The following JARID2 variants were observed in gnomAD, a reference collection of about 807,000 sequenced individuals.
JARID2 encodes the protein protein Jumonji.
In JARID2, 21 loss-of-function variants were observed where a neutral mutation model predicts 125.6. The observed-to-expected ratio is 0.17, with a 90% CI of 0.12 to 0.24. The LOEUF (loss-of-function observed/expected upper bound fraction) is 0.24. Ranked by LOEUF, JARID2 falls within the 10% of genes least tolerant of loss-of-function variation. The probability of loss-of-function intolerance (pLI) is 1.00; values close to 1 mark genes in which losing one functional copy is unlikely to be tolerated. For missense variants in JARID2, 1,303 were observed against 1,639.6 expected (o/e 0.79, Z 3.55); for synonymous variants, 736 against 661.6 (o/e 1.11, Z -1.73).
At chr6:15,470,506 A>G (rs866740622) in intron 5 of JARID2, among the ~76,000 whole-genome samples, 12 of 152,172 alleles carry the variant, frequency 7.9e-5, no homozygotes, top group Admixed American at 2.0e-4. Context: ...TCTAGCTTTC[A>G]TTGTTGTTGG....
Position 15,300,849 on chromosome 6 carries a change from G to A in JARID2, c.45+54265G>A, listed in dbSNP as rs1183295310. Among the ~76,000 whole-genome samples the A allele has an allele frequency of 2.6e-5, 4 of 151,954 alleles. No homozygotes were observed. In the East Asian group the frequency reaches 7.7e-4, roughly 29 times the overall value. ...CAGTAACCATGAGGACTCTGGTGTT[G>A]CACAGAAGTTGAATTCTTACTTGGA... On this transcript the variant is annotated intron_variant, in intron 1 of 17. Transcript: ENST00000341776.
intron 3 of JARID2, among the ~76,000 whole-genome samples, chr6:15,430,205 T>A (rs931775973): frequency 2.6e-5 from 4 of 152,240 alleles, no homozygotes; most frequent in Admixed American, 6.5e-5. Flanking sequence ...TTGCTAAGAT[T>A]TTGTTTTTTC....
intron 1 of JARID2, among the ~76,000 whole-genome samples, chr6:15,323,193 C>T (rs1310926099): frequency 6.6e-6 from 1 of 152,268 alleles, no homozygotes; most frequent in Non-Finnish European, 1.5e-5. Flanking sequence ...GCCAGGCAGG[C>T]AGGCACAGCC....
At chr6:15,354,067 C>CT (rs1291133554) in intron 1 of JARID2, among the ~76,000 whole-genome samples, 2 of 152,144 alleles carry the variant, frequency 1.3e-5, no homozygotes, top group Admixed American at 6.5e-5. Flanking sequence ...ACAGGTGTAT[C>CT]TAAGTAAAAG....
intron 1 of JARID2, among the ~76,000 whole-genome samples, chr6:15,355,091 T>C (rs1763553504): frequency 6.6e-6 from 1 of 152,188 alleles, no homozygotes; most frequent in African/African-American, 2.4e-5. Flanking sequence ...CTGGATGTCA[T>C]GCAAAGGGTA....
chr6:15,264,068 C>T (rs971774948), intron 1 of JARID2, among the ~76,000 whole-genome samples: 1 of 152,104 alleles, frequency 6.6e-6, no homozygotes, highest in Non-Finnish European at 1.5e-5. Flanking sequence ...TAATTTCAGG[C>T]AATTTTTAAT....
At chr6:15,446,406 A>T (rs1767672397) in intron 3 of JARID2, among the ~76,000 whole-genome samples, 1 of 152,208 alleles carries the variant, frequency 6.6e-6, no homozygotes, top group Non-Finnish European at 1.5e-5. Flanking sequence ...TTCTGTGCAG[A>T]GGCTTCTGTG....
intron 1 of JARID2, chr6:15,369,406 G>A: frequency 2.6e-6 from 1 of 378,968 alleles, no homozygotes; most frequent in Non-Finnish European, 5.4e-6. Context: ...CAGTAATCCT[G>A]CAGTTTAAAA....
Position 15,450,800 on chromosome 6 carries a change from G to C in JARID2, c.324-1206G>C, listed in dbSNP as rs528411558. ...TTGTATGTAAAGCAAAAATATGTTCGTGTATTTATTGGTGGAGAGAAAGGG... is the reference window on the plus strand; with the variant it reads ...TTGTATGTAAAGCAAAAATATGTTCCTGTATTTATTGGTGGAGAGAAAGGG... On this transcript the variant is annotated intron_variant, in intron 3 of 17. Transcript: ENST00000341776. Among the ~76,000 whole-genome samples the C allele has an allele frequency of 3.9e-5, 6 of 152,304 alleles. No individual in the cohort carries two copies. In the South Asian group the frequency reaches 1.0e-3, roughly 26 times the overall value.
At chr6:15,478,464 C>G in intron 5 of JARID2, among the ~76,000 whole-genome samples, 1 of 151,480 alleles carries the variant, frequency 6.6e-6, no homozygotes. Context: ...TTGAAAATGA[C>G]CAAGTTGCCT....
intron 4 of JARID2, among the ~76,000 whole-genome samples, chr6:15,459,192 G>A (rs766004770): frequency 8.5e-5 from 13 of 152,164 alleles, no homozygotes; most frequent in Non-Finnish European, 1.3e-4. Context: ...TACCTGAGGC[G>A]ATCATCCACA....
chr6:15,292,056 G>A (rs780975515), intron 1 of JARID2, among the ~76,000 whole-genome samples: 12 of 151,758 alleles, frequency 7.9e-5, no homozygotes, highest in African/African-American at 1.2e-4. Flanking sequence ...TTGCTCTGTC[G>A]CCCAAGCTGG....
intron 1 of JARID2, among the ~76,000 whole-genome samples, chr6:15,249,539 C>T (rs1422817203): frequency 6.6e-6 from 1 of 152,136 alleles, no homozygotes; most frequent in African/African-American, 2.4e-5. Flanking sequence ...TGGAAAAATA[C>T]CTGCCATTGC....
intron 1 of JARID2, among the ~76,000 whole-genome samples, chr6:15,371,699 TTTGA>T (rs1393944103): frequency 6.6e-6 from 1 of 152,214 alleles, no homozygotes. Flanking sequence ...TTTTTAATCA[TTTGA>T]TTGGGAAGGT....
intron 1 of JARID2, among the ~76,000 whole-genome samples, chr6:15,274,675 C>A (rs1760429598): frequency 6.6e-6 from 1 of 152,056 alleles, no homozygotes; most frequent in South Asian, 2.1e-4. Flanking sequence ...TTAGCCAGGG[C>A]AATATTGTGT....
chr6:15,485,347 C>A (rs895065078), intron 5 of JARID2, among the ~76,000 whole-genome samples: 2 of 152,048 alleles, frequency 1.3e-5, no homozygotes, highest in Non-Finnish European at 2.9e-5. Flanking sequence ...AATTAGAAAA[C>A]AATTAGAAGG....
At chr6:15,301,452 C>T (rs17619808) in intron 1 of JARID2, among the ~76,000 whole-genome samples, 1,743 of 152,178 alleles carry the variant, frequency 0.011, 16 homozygotes, top group Middle Eastern at 0.024. Flanking sequence ...CCCTCTCACC[C>T]GGGTTTCATC....
intron 3 of JARID2, among the ~76,000 whole-genome samples, chr6:15,428,872 C>T (rs1189927841): frequency 6.7e-6 from 1 of 149,286 alleles, no homozygotes; most frequent in Non-Finnish European, 1.5e-5. Context: ...CACCACTGCA[C>T]TCCAACCTGG....
chr6:15,252,160 G>T (rs1276750697), intron 1 of JARID2, among the ~76,000 whole-genome samples: 1 of 152,158 alleles, frequency 6.6e-6, no homozygotes, highest in African/African-American at 2.4e-5. Flanking sequence ...GTTATGCCCA[G>T]ACTTCCCCAA....
Sources: allele counts gnomAD v4.1 joint callset (sites outside exome capture counted in the v4.1 genomes callset), GRCh38; gene constraint gnomAD v4.1.1; transcripts MANE v1.5; gene names NCBI Gene and HGNC (gene_info 2026-07-23, HGNC 2026-07-21).